Variants in NAV3 observed in about 807,000 individuals in gnomAD.
The protein encoded by NAV3 is neuron navigator 3.
In NAV3, 87 loss-of-function variants were observed where a neutral mutation model predicts 244.7. The ratio of observed to expected loss-of-function variants is 0.36; its 90% CI spans 0.30 to 0.42. The LOEUF is 0.42. NAV3 is among the 20% of genes least tolerant of loss of function. The pLI, the probability that NAV3 is intolerant of heterozygous loss-of-function variation, is 1.00. For synonymous variants in NAV3, 1,126 were observed against 1,042.2 expected (o/e 1.08, Z -1.55); for missense variants, 2,663 against 2,893.3 (o/e 0.92, Z 1.83).
At chr12:78,114,601 G>A (rs1345465890) in intron 12 of NAV3, among the ~76,000 whole-genome samples, 2 of 152,076 alleles carry the variant, frequency 1.3e-5, no homozygotes, top group Non-Finnish European at 2.9e-5. Flanking sequence ...AACAGCATGA[G>A]GGTAACCATG....
At chr12:77,957,775 G>A (rs1211439412) in intron 3 of NAV3, among the ~76,000 whole-genome samples, 2 of 151,764 alleles carry the variant, frequency 1.3e-5, no homozygotes, top group East Asian at 1.9e-4. Flanking sequence ...AGTGATTCTC[G>A]TGCCTTAGCC....
chr12:78,128,267 T>TA (rs33971273), intron 17 of NAV3, among the ~76,000 whole-genome samples: 51,274 of 142,384 alleles, frequency 0.36, 9,442 homozygotes, highest in African/African-American at 0.43. Flanking sequence ...GTTTTTCCTT[T>TA]AAAAAAAAAA....
chr12:77,654,826 ACTG>A (rs945300252), intron 2 of NAV3, among the ~76,000 whole-genome samples: 1 of 151,008 alleles, frequency 6.6e-6, no homozygotes, highest in Non-Finnish European at 1.5e-5. Flanking sequence ...TGCAGACACC[ACTG>A]CTAATACCCA....
intron 2 of NAV3, among the ~76,000 whole-genome samples, chr12:77,786,197 G>T (rs909087315): frequency 1.3e-5 from 2 of 152,062 alleles, no homozygotes; most frequent in Non-Finnish European, 2.9e-5. Context: ...GCCCCTAACT[G>T]CTATGTGGTA....
At chr12:77,742,069 T>C (rs1331433584) in intron 2 of NAV3, among the ~76,000 whole-genome samples, 1 of 152,108 alleles carries the variant, frequency 6.6e-6, no homozygotes, top group Non-Finnish European at 1.5e-5. Context: ...ATTCATAATA[T>C]CTTATTGCTT....
At chr12:78,134,911 GT>G (rs1956309414) in intron 18 of NAV3, among the ~76,000 whole-genome samples, 1 of 152,192 alleles carries the variant, frequency 6.6e-6, no homozygotes, top group Non-Finnish European at 1.5e-5. Context: ...TTAAGACAAA[GT>G]TGGTAGCCCT....
intron 2 of NAV3, among the ~76,000 whole-genome samples, chr12:77,653,126 T>A (rs1219197369): frequency 1.3e-5 from 2 of 152,202 alleles, no homozygotes; most frequent in African/African-American, 4.8e-5. Flanking sequence ...GGTTACAGAA[T>A]GCAACATAGC....
At position 78,119,663 on chromosome 12, in the gene NAV3, G is replaced by A. The variant is rs1275668136; in HGVS notation, c.3467G>A (p.Arg1156Lys). The change falls in exon 15 of 40, where the codon AGA (arginine) becomes AAA (lysine). Residue 1156 changes from arginine to lysine, a missense_variant. Physicochemically the swap from Arg to Lys is conservative, Grantham distance 26. Transcript: ENST00000397909. ...GGCATTCCTGGCCGAGGAGGCCACA[G>A]ATCCAGTACCAGCAGTATTGATTCC... ...TSGIPGRGGH[R>K]SSTSSIDSNV... 10 of 1,614,176 alleles carry A rather than the reference G, an allele frequency of 6.2e-6. No homozygotes were observed. Among genetic ancestry groups the A allele is most frequent in the Non-Finnish European group, 8.5e-6 (10 of 1,180,046 alleles).
intron 7 of NAV3, among the ~76,000 whole-genome samples, chr12:78,003,792 G>A (rs1873735363): frequency 6.6e-6 from 1 of 152,222 alleles, no homozygotes; most frequent in South Asian, 2.1e-4. Context: ...TTAGTTCTGT[G>A]AATTTAGATG....
At chr12:78,165,512 A>G (rs1235249892) in intron 23 of NAV3, among the ~76,000 whole-genome samples, 1 of 151,978 alleles carries the variant, frequency 6.6e-6, no homozygotes, top group Non-Finnish European at 1.5e-5. Context: ...AATATTTTAA[A>G]AATTTCTAAT....
chr12:77,587,564 G>A (rs771399184), intron 2 of NAV3, among the ~76,000 whole-genome samples: 40 of 152,214 alleles, frequency 2.6e-4, no homozygotes, highest in African/African-American at 6.7e-4. Flanking sequence ...CATTAGTTAC[G>A]TTTATATTCC....
chr12:78,091,929 A>C (rs886558962), intron 12 of NAV3, among the ~76,000 whole-genome samples: 12 of 152,088 alleles, frequency 7.9e-5, no homozygotes, highest in Non-Finnish European at 1.3e-4. Context: ...CCAATAAAGC[A>C]CTCACTCACT....
In NAV3 at chr12:78,183,890, C is replaced by G. The variant is rs75786933; in HGVS notation, c.5693-1711C>G. Among the ~76,000 whole-genome samples, 799 of 151,950 alleles carry G rather than the reference C, an allele frequency of 5.3e-3. 28 individuals carry two copies. Among genetic ancestry groups the G allele is most frequent in the Admixed American group, 0.047 (720 of 15,178 alleles). On this transcript the variant is annotated intron_variant, in intron 30 of 39. Coordinates refer to ENST00000397909, the MANE Select transcript of NAV3 (RefSeq NM_001024383.2). ...CCCTTGTCTCTACATTCCTGCTACCCTAAACATCTCTGTGTTCCTTTAACA... is the reference window on the plus strand; with the variant it reads ...CCCTTGTCTCTACATTCCTGCTACCGTAAACATCTCTGTGTTCCTTTAACA...
chr12:77,664,396 A>G (rs555704333), intron 2 of NAV3, among the ~76,000 whole-genome samples: 3 of 152,316 alleles, frequency 2.0e-5, no homozygotes, highest in Middle Eastern at 6.8e-3. Flanking sequence ...TAAATATTCA[A>G]TAGGTTGGTA....
At chr12:78,209,529 T>A (rs567405256) in intron 39 of NAV3, among the ~76,000 whole-genome samples, 1 of 152,092 alleles carries the variant, frequency 6.6e-6, no homozygotes, top group East Asian at 1.9e-4. Flanking sequence ...ACAATTTGCC[T>A]TTAAACACTT....
intron 27 of NAV3, 94 bp from the exon 28 acceptor site, chr12:78,177,526 T>C: frequency 7.9e-7 from 1 of 1,266,002 alleles, no homozygotes. Flanking sequence ...ATTCAAGTGT[T>C]TCTTGATCTC....
chr12:77,846,053 T>C (rs1876583754), intron 1 of NAV3, among the ~76,000 whole-genome samples: 1 of 152,114 alleles, frequency 6.6e-6, no homozygotes, highest in African/African-American at 2.4e-5. Context: ...CTGAGTCATA[T>C]CTCCAATTCC....
intron 12 of NAV3, among the ~76,000 whole-genome samples, chr12:78,093,025 G>A (rs1055150152): frequency 1.3e-5 from 2 of 152,056 alleles, no homozygotes; most frequent in African/African-American, 4.8e-5. Flanking sequence ...ATTTTCATTT[G>A]GTCAAATCCT....
intron 2 of NAV3, among the ~76,000 whole-genome samples, chr12:77,631,779 A>T (rs1320285294): frequency 6.6e-6 from 1 of 152,218 alleles, no homozygotes; most frequent in Non-Finnish European, 1.5e-5. Context: ...ATTCAGCTTC[A>T]TAGAAGGGAG....
Sources: allele counts gnomAD v4.1 joint callset (sites outside exome capture counted in the v4.1 genomes callset), GRCh38; gene constraint gnomAD v4.1.1; transcripts MANE v1.5; gene names NCBI Gene and HGNC (gene_info 2026-07-23, HGNC 2026-07-21).